The following EMC3 variants were observed in gnomAD, a reference collection of about 807,000 sequenced individuals.
The protein encoded by EMC3 is 30 kDa protein.
EMC3 carries 13 observed loss-of-function variants against 36.6 expected under a neutral mutation model. The ratio of observed to expected loss-of-function variants is 0.35; its 90% CI spans 0.23 to 0.56. The LOEUF (loss-of-function observed/expected upper bound fraction) is 0.56, where lower values mean the gene tolerates loss of function less well. Ranked by LOEUF, EMC3 falls within the 20% of genes least tolerant of loss-of-function variation. The probability of loss-of-function intolerance (pLI) is 0.84; values close to 1 mark genes in which losing one functional copy is unlikely to be tolerated. For missense variants in EMC3, 220 were observed against 324.5 expected, an observed-to-expected ratio of 0.68 and a Z score of 2.47; for synonymous variants, 120 against 111.9, an observed-to-expected ratio of 1.07 and a Z score of -0.46.
At chr3:9,975,693 T>G (rs1207493148) in intron 3 of EMC3, among the ~76,000 whole-genome samples, 1 of 151,634 alleles carries the variant, frequency 6.6e-6, no homozygotes, top group East Asian at 1.9e-4. Flanking sequence ...GTGCCTGTAA[T>G]CTCAGCTACT....
intron 1 of EMC3, among the ~76,000 whole-genome samples, chr3:9,997,983 T>C (rs924845910): frequency 3.3e-5 from 5 of 152,162 alleles, no homozygotes; most frequent in African/African-American, 1.2e-4. Context: ...CCGCTTTCCA[T>C]AGCAGCTGCA....
Position 9,973,719 on chromosome 3 carries a change from A to C in EMC3, c.413-10T>G. ...GGAAATGGGACCTTGGCTGCAGAGA[A>C]GAAAAAGTTCACAATCACTCTGAGC... On this transcript the variant is annotated splice_polypyrimidine_tract_variant and intron_variant, in intron 4 of 7. Coordinates refer to ENST00000245046, the MANE Select transcript of EMC3 (RefSeq NM_001394674.1). The C allele has an allele frequency of 6.2e-7, 1 of 1,612,840 alleles. No homozygotes were observed. Among genetic ancestry groups the C allele is most frequent in the Non-Finnish European group, 8.5e-7 (1 of 1,178,778 alleles).
intron 4 of EMC3, 88 bp from the exon 5 acceptor site, chr3:9,973,797 G>C: frequency 8.0e-7 from 1 of 1,244,480 alleles, no homozygotes; most frequent in Non-Finnish European, 1.2e-6. Flanking sequence ...TGGGAACTCT[G>C]TGCCACATAG....
At chr3:9,985,408 G>T (rs2124919111) in intron 1 of EMC3, among the ~76,000 whole-genome samples, 1 of 152,318 alleles carries the variant, frequency 6.6e-6, no homozygotes, top group South Asian at 2.1e-4. Flanking sequence ...ATTTCTGAAA[G>T]TAATCAGAAC....
chr3:9,987,905 G>C (rs2085996976), upstream of EMC3: 1 of 987,416 alleles, frequency 1.0e-6, no homozygotes. Context: ...ACTTTCTGCA[G>C]GTAATCTCTG....
chr3:9,981,095 C>T (rs894370016), intron 1 of EMC3, among the ~76,000 whole-genome samples: 25 of 152,254 alleles, frequency 1.6e-4, no homozygotes, highest in African/African-American at 6.0e-4. Context: ...GTCCCAGCTA[C>T]TCGGGAGGCT....
At chr3:9,998,552 C>G (rs1287952680) in intron 1 of EMC3, among the ~76,000 whole-genome samples, 2 of 151,750 alleles carry the variant, frequency 1.3e-5, no homozygotes, top group African/African-American at 4.8e-5. Flanking sequence ...TCCTCAGCCT[C>G]TTGAGTACCT....
In EMC3 at chr3:9,974,568, T is replaced by C. The variant is rs917541203; in HGVS notation, c.308-80A>G. ...CTTTCTCCTGATTTTCTGTAAACTG[T>C]TTTTTTTTGAGACGGAGTCCCGCTC... On this transcript the variant is annotated intron_variant, in intron 3 of 7. Transcript: ENST00000245046. The C allele has an allele frequency of 1.0e-5, 10 of 955,260 alleles. No homozygotes were observed. In the African/African-American group the frequency reaches 1.3e-4, roughly 13 times the overall value. 59.2% of individuals were successfully genotyped at this position (955,260 alleles called of 1,614,324 possible). A position where few individuals can be genotyped will look rare whatever the true frequency, so the allele number is the denominator to read the frequency against.
rs557334679 is a variant in EMC3 at position 9,992,277 on chromosome 3, C to T, written c.-241-5375G>A. On this transcript the variant is annotated intron_variant, in intron 1 of 8. Transcript: ENST00000470827. ...CTGGGATTGCAGGCAGTTGCCACCA[C>T]GACTGGCCAATTTTTTTTTGTATTT... 1.7e-3 allele frequency among the ~76,000 whole-genome samples: 260 copies of T among 152,140 alleles called. 4 individuals are homozygous for T. The highest frequency in any genetic ancestry group is 7.4e-4 in the Non-Finnish European group (50 of 67,994).
intron 7 of EMC3, among the ~76,000 whole-genome samples, 171 bp from the exon 8 acceptor site, chr3:9,964,368 C>T (rs183463756): frequency 1.3e-5 from 2 of 152,356 alleles, no homozygotes; most frequent in South Asian, 2.1e-4. Flanking sequence ...TCTCCTCCCC[C>T]TCTTCCTGCC....
chr3:9,971,843 C>G (rs1026627284), intron 5 of EMC3, among the ~76,000 whole-genome samples: 1 of 152,170 alleles, frequency 6.6e-6, no homozygotes, highest in African/African-American at 2.4e-5. Context: ...AAGATTACCA[C>G]TAGTAATCCC....
At chr3:9,994,738 T>C (rs2086102537) in intron 1 of EMC3, among the ~76,000 whole-genome samples, 1 of 152,036 alleles carries the variant, frequency 6.6e-6, no homozygotes, top group African/African-American at 2.4e-5. Context: ...GCCCAGCTAA[T>C]TTTTTGTGTT....
At chr3:9,993,094 A>G (rs2086074761) in intron 1 of EMC3, 1 of 805,588 alleles carries the variant, frequency 1.2e-6, no homozygotes, top group Non-Finnish European at 2.1e-6. Flanking sequence ...ATTTCAGTCC[A>G]TTGTTCAAAC....
At chr3:10,005,365 G>A (rs2086252164) in intron 1 of EMC3, 1 of 152,190 alleles carries the variant, frequency 6.6e-6, no homozygotes, top group South Asian at 2.1e-4. Flanking sequence ...GGCAGATGCT[G>A]ACAGCTTTTT....
rs1291623599 is a variant in EMC3 at position 9,962,710 on chromosome 3, GGAGTC to G, written c.*1354_*1358del. Reference sequence around the variant, plus strand: ...GAGAAAACAGGACGGTTTAATTTGTGGAGTCGAGTCGTTTGTTCTTAATTACTGCA... The same window carrying G: ...GAGAAAACAGGACGGTTTAATTTGTGGAGTCGTTTGTTCTTAATTACTGCA... On this transcript the variant is annotated 3_prime_UTR_variant, in exon 8 of 8. Coordinates refer to ENST00000245046, the MANE Select transcript of EMC3 (RefSeq NM_001394674.1). The G allele has an allele frequency of 6.6e-6, 1 of 152,538 alleles. No individual in the cohort carries two copies. Among genetic ancestry groups the G allele is most frequent in the African/African-American group, 2.4e-5 (1 of 41,394 alleles). The allele number at this position is 152,538 out of a possible 1,614,324, so 9.4% of individuals were successfully genotyped here.
intron 1 of EMC3, among the ~76,000 whole-genome samples, chr3:9,982,147 G>A (rs113125216): frequency 5.9e-4 from 90 of 151,378 alleles, no homozygotes; most frequent in African/African-American, 2.1e-3. Context: ...ATGGGGTTTC[G>A]CCATGCTGGC....
intron 1 of EMC3, among the ~76,000 whole-genome samples, chr3:9,993,984 C>G (rs1475010654): frequency 1.3e-5 from 2 of 152,292 alleles, no homozygotes; most frequent in Non-Finnish European, 2.9e-5. Flanking sequence ...CAATTAATAT[C>G]CAAATGTGGA....
intron 7 of EMC3, among the ~76,000 whole-genome samples, chr3:9,968,290 TTTTCC>T (rs1024448916): frequency 9.2e-5 from 14 of 152,372 alleles, no homozygotes; most frequent in African/African-American, 2.9e-4. Flanking sequence ...AATAAAATTG[TTTTCC>T]TTTCATTTCC....
At chr3:9,971,355 T>G (rs1176586153) in intron 5 of EMC3, among the ~76,000 whole-genome samples, 1 of 152,150 alleles carries the variant, frequency 6.6e-6, no homozygotes, top group African/African-American at 2.4e-5. Flanking sequence ...CTACTCAACC[T>G]CCATAAAATA....
Sources: allele counts gnomAD v4.1 joint callset (sites outside exome capture counted in the v4.1 genomes callset), GRCh38; gene constraint gnomAD v4.1.1; transcripts MANE v1.5; gene names NCBI Gene and HGNC (gene_info 2026-07-23, HGNC 2026-07-21).